PLEKHM3: variants seen among roughly 807,000 people sequenced by gnomAD.
PLEKHM3 encodes the protein pleckstrin homology domain-containing family M member 3.
In PLEKHM3, 45 loss-of-function variants were observed where a neutral mutation model predicts 81.8. That is an observed-to-expected ratio of 0.55 (90% CI 0.43 to 0.71). The LOEUF is 0.71. Ranked by LOEUF, PLEKHM3 falls within the 30% of genes least tolerant of loss-of-function variation. The probability of loss-of-function intolerance (pLI) is 0.00; values close to 1 mark genes in which losing one functional copy is unlikely to be tolerated. For synonymous variants in PLEKHM3, 352 were observed against 356.4 expected (o/e 0.99, Z 0.14); for missense variants, 788 against 924.3 (o/e 0.85, Z 1.91).
At position 208,016,668 on chromosome 2, in the gene PLEKHM3, A is replaced by ATACACACACAC. The variant is rs11436592; in HGVS notation, c.-319+8720_-319+8721insGTGTGTGTGTA. Among the ~76,000 whole-genome samples the ATACACACACAC allele has an allele frequency of 5.8e-3, 359 of 61,576 alleles. 2 individuals carry two copies. Among genetic ancestry groups the ATACACACACAC allele is most frequent in the Non-Finnish European group, 9.9e-3 (252 of 25,434 alleles). The allele number at this position is 61,576 out of a possible 152,430, so 40.4% of individuals were successfully genotyped here. A position where few individuals can be genotyped will look rare whatever the true frequency, so the allele number is the denominator to read the frequency against. On this transcript the variant is annotated intron_variant, in intron 1 of 7. Coordinates refer to ENST00000427836, the MANE Select transcript of PLEKHM3 (RefSeq NM_001080475.3). ...TTGTCTCAAAAAAAAAAAAAAAAAA[A>ATACACACACAC]ATACACACACACACACACACACACA...
intron 3 of PLEKHM3, among the ~76,000 whole-genome samples, chr2:207,962,924 T>TAA (rs11388264): frequency 0.48 from 65,713 of 135,582 alleles, 18,806 homozygotes; most frequent in Non-Finnish European, 0.65. Context: ...AGTCAAAAAT[T>TAA]AAAAAAAAAA....
At position 207,821,614 on chromosome 2, in the gene PLEKHM3, T is replaced by G. The variant is rs1431187288; in HGVS notation, c.*6705A>C. 1.3e-5 allele frequency: 2 copies of G among 152,164 alleles called. No individual in the cohort carries two copies. Among genetic ancestry groups the G allele is most frequent in the Non-Finnish European group, 2.9e-5 (2 of 68,036 alleles). 9.4% of individuals were successfully genotyped at this position (152,164 alleles called of 1,614,324 possible). A position where few individuals can be genotyped will look rare whatever the true frequency, so the allele number is the denominator to read the frequency against. ...GTCATTTCTGTACTGTGTGAGCAGA[T>G]ATAAGAAAAAATGGCATAGACCTGA... On this transcript the variant is annotated 3_prime_UTR_variant, in exon 8 of 8. Coordinates refer to ENST00000427836, the MANE Select transcript of PLEKHM3 (RefSeq NM_001080475.3).
intron 7 of PLEKHM3, among the ~76,000 whole-genome samples, chr2:207,855,781 A>G (rs1294766160): frequency 6.6e-6 from 1 of 152,194 alleles, no homozygotes; most frequent in Non-Finnish European, 1.5e-5. Context: ...GTACTTCTCA[A>G]AACTGTCAAG....
intron 7 of PLEKHM3, among the ~76,000 whole-genome samples, chr2:207,830,593 G>T (rs1162972729): frequency 1.7e-5 from 2 of 116,750 alleles, no homozygotes; most frequent in African/African-American, 3.5e-5. Flanking sequence ...GGTGACAAGA[G>T]CAAAACTCTG....
chr2:207,909,134 T>C, intron 5 of PLEKHM3, among the ~76,000 whole-genome samples: 1 of 152,214 alleles, frequency 6.6e-6, no homozygotes, highest in Non-Finnish European at 1.5e-5. Context: ...CTCTCATATG[T>C]ACAGTGATGG....
intron 6 of PLEKHM3, among the ~76,000 whole-genome samples, chr2:207,897,745 T>G (rs770625789): frequency 1.3e-5 from 2 of 152,244 alleles, no homozygotes; most frequent in Non-Finnish European, 2.9e-5. Flanking sequence ...ACTGGCGTGC[T>G]GGCCTCCTAA....
chr2:207,961,972 T>A (rs1408956965), intron 3 of PLEKHM3, among the ~76,000 whole-genome samples: 1 of 152,226 alleles, frequency 6.6e-6, no homozygotes, highest in African/African-American at 2.4e-5. Context: ...TGTCCTGGGC[T>A]ACTGTATAAC....
chr2:207,929,563 A>C (rs1359873523), intron 5 of PLEKHM3, among the ~76,000 whole-genome samples: 1 of 152,228 alleles, frequency 6.6e-6, no homozygotes, highest in African/African-American at 2.4e-5. Context: ...AATTAGTTTG[A>C]GACATATAAT....
intron 6 of PLEKHM3, among the ~76,000 whole-genome samples, chr2:207,863,936 G>T (rs2092481966): frequency 6.7e-6 from 1 of 150,192 alleles, no homozygotes; most frequent in Non-Finnish European, 1.5e-5. Context: ...TATTAGAAAA[G>T]CAAAAACACA....
rs138721689 is a variant in PLEKHM3 at position 207,845,007 on chromosome 2, C to A, written c.2108+16098G>T. Among the ~76,000 whole-genome samples, 712 of 152,278 alleles carry A rather than the reference C, an allele frequency of 4.7e-3. 4 individuals are homozygous for A. Among genetic ancestry groups the A allele is most frequent in the African/African-American group, 0.015 (631 of 41,546 alleles). On this transcript the variant is annotated intron_variant, in intron 7 of 7. Transcript: ENST00000427836. Reference sequence around the variant, plus strand: ...TTGTACAGAGGGTTAACATGGGCTGCACCTTTCTCTCTATTTTAAGTGCTC... The same window carrying A: ...TTGTACAGAGGGTTAACATGGGCTGAACCTTTCTCTCTATTTTAAGTGCTC...
chr2:207,826,569 C>G lies in PLEKHM3; in HGVS notation c.*1750G>C, dbSNP rs944216702. On this transcript the variant is annotated 3_prime_UTR_variant, in exon 8 of 8. Coordinates refer to ENST00000427836, the MANE Select transcript of PLEKHM3 (RefSeq NM_001080475.3). ...GAGCTATTAAGGTGAAATGTGTGGC[C>G]TGGGGCCAAAGGAACTGGTGTGGGT... 2.6e-5 allele frequency: 4 copies of G among 152,158 alleles called. No individual in the cohort carries two copies. Among genetic ancestry groups the G allele is most frequent in the Non-Finnish European group, 4.4e-5 (3 of 68,040 alleles). 9.4% of individuals were successfully genotyped at this position (152,158 alleles called of 1,614,324 possible). A position where few individuals can be genotyped will look rare whatever the true frequency, so the allele number is the denominator to read the frequency against.
At chr2:208,024,340 T>C (rs949293332) in intron 1 of PLEKHM3, among the ~76,000 whole-genome samples, 2 of 152,164 alleles carry the variant, frequency 1.3e-5, no homozygotes, top group African/African-American at 4.8e-5. Flanking sequence ...GTTTTTGCTA[T>C]AAACCATGAC....
At chr2:207,852,832 G>A (rs1321775218) in intron 7 of PLEKHM3, 14 of 428,266 alleles carry the variant, frequency 3.3e-5, no homozygotes, top group East Asian at 7.0e-5. Flanking sequence ...ATGGGTCTCC[G>A]AATCTAAAAT....
intron 3 of PLEKHM3, 139 bp from the exon 4 acceptor site, chr2:207,946,651 T>G: frequency 1.7e-6 from 2 of 1,184,766 alleles, no homozygotes. Flanking sequence ...TTACAGATAA[T>G]AGAGTTGTAC....
intron 7 of PLEKHM3, among the ~76,000 whole-genome samples, chr2:207,835,310 T>C (rs150484314): frequency 4.6e-5 from 7 of 152,130 alleles, no homozygotes; most frequent in African/African-American, 1.7e-4. Flanking sequence ...CTACAGAGAG[T>C]AGACCTCAGC....
At chr2:208,016,706 A>G (rs2106123430) in intron 1 of PLEKHM3, among the ~76,000 whole-genome samples, 1 of 111,046 alleles carries the variant, frequency 9.0e-6, no homozygotes, top group East Asian at 2.4e-4. Context: ...CCCTGGTTTC[A>G]TATTACCATA....
chr2:208,021,948 C>A (rs897708772), intron 1 of PLEKHM3, among the ~76,000 whole-genome samples: 1 of 152,166 alleles, frequency 6.6e-6, no homozygotes, highest in African/African-American at 2.4e-5. Context: ...CATTTTGGGG[C>A]ATTTAGGTTA....
chr2:207,947,862 AAAGTATCAC>A (rs1690187543), intron 3 of PLEKHM3, among the ~76,000 whole-genome samples: 2 of 152,262 alleles, frequency 1.3e-5, no homozygotes, highest in South Asian at 4.1e-4. Flanking sequence ...TCCATGAATG[AAAGTATCAC>A]AAGACTCAAC....
intron 3 of PLEKHM3, among the ~76,000 whole-genome samples, chr2:207,950,098 C>T (rs189764788): frequency 1.1e-3 from 171 of 152,262 alleles, no homozygotes; most frequent in African/African-American, 3.9e-3. Flanking sequence ...GATGAGAGAA[C>T]ATGGATAGGG....
Sources: allele counts gnomAD v4.1 joint callset (sites outside exome capture counted in the v4.1 genomes callset), GRCh38; gene constraint gnomAD v4.1.1; transcripts MANE v1.5; gene names NCBI Gene and HGNC (gene_info 2026-07-23, HGNC 2026-07-21).